Variants in COPZ2 observed in about 807,000 individuals in gnomAD.
COPZ2 encodes the protein coat protein complex I subunit zeta 2.
A neutral mutation model predicts 33.2 loss-of-function variants in COPZ2; 30 were observed. The ratio of observed to expected loss-of-function variants is 0.90; its 90% confidence interval spans 0.68 to 1.23. The LOEUF is 1.23. COPZ2 is among the 50% of genes most tolerant of loss of function. COPZ2 has a pLI of 0.00. For synonymous variants in COPZ2, 89 were observed against 102.6 expected, an observed-to-expected ratio of 0.87 and a Z score of 0.80; for missense variants, 263 against 262.4, an observed-to-expected ratio of 1.00 and a Z score of -0.02.
intron 2 of COPZ2, 115 bp downstream of exon 2, chr17:48,036,735 TG>T: frequency 1.1e-6 from 1 of 883,758 alleles, no homozygotes; most frequent in Non-Finnish European, 1.8e-6. Context: ...GAAGGACCTC[TG>T]GAGGGGTCTA....
At chr17:48,030,697 C>T (rs759918714) in intron 6 of COPZ2, among the ~76,000 whole-genome samples, 4 of 152,242 alleles carry the variant, frequency 2.6e-5, no homozygotes, top group Non-Finnish European at 4.4e-5. Context: ...CGTTGCCTCC[C>T]GACTGGCGCT....
At chr17:48,043,170 G>A in the COPZ2 span, among the ~76,000 whole-genome samples, 2 of 152,216 alleles carry the variant, frequency 1.3e-5, no homozygotes, top group African/African-American at 4.8e-5. Flanking sequence ...CTTCGGGTAG[G>A]CACAGTAGGA....
At chr17:48,043,909 ATTGT>A in the COPZ2 span, among the ~76,000 whole-genome samples, 1 of 152,188 alleles carries the variant, frequency 6.6e-6, no homozygotes, top group African/African-American at 2.4e-5. Flanking sequence ...ACTACCTGGT[ATTGT>A]TTGAGACAAC....
intron 6 of COPZ2, among the ~76,000 whole-genome samples, chr17:48,031,306 G>T (rs2036890964): frequency 6.6e-6 from 1 of 151,914 alleles, no homozygotes; most frequent in Non-Finnish European, 1.5e-5. Context: ...CAAAAAATTA[G>T]CTTGGTGTGG....
At position 48,028,989 on chromosome 17, in the gene COPZ2, C is replaced by A; in HGVS notation, c.546+136G>T. The A allele has an allele frequency of 2.7e-6, 2 of 750,558 alleles. No individual in the cohort carries two copies. Among genetic ancestry groups the A allele is most frequent in the South Asian group, 3.6e-5 (2 of 55,704 alleles). 46.5% of individuals were successfully genotyped at this position (750,558 alleles called of 1,614,324 possible). ...CCAGAAACTGCTGCTCATCTCACCCCTAACAAGTGTGTCAGCCCAGTGGTT... is the reference window on the plus strand; with the variant it reads ...CCAGAAACTGCTGCTCATCTCACCCATAACAAGTGTGTCAGCCCAGTGGTT... On this transcript the variant is annotated intron_variant, in intron 7 of 8. Coordinates refer to ENST00000621465, the MANE Select transcript of COPZ2 (RefSeq NM_016429.4). The surrounding 1 kb of genome is among the most constrained non-coding windows in gnomAD (Gnocchi z 4.5).
Position 48,032,671 on chromosome 17 carries a change from G to A in COPZ2, c.416+15C>T, listed in dbSNP as rs1443455584. Reference sequence around the variant, plus strand: ...CAGGGGGATGGGGCCTCGGAGGGCAGAGAACCTCACTCACCTTAACATGTG... The same window carrying A: ...CAGGGGGATGGGGCCTCGGAGGGCAAAGAACCTCACTCACCTTAACATGTG... On this transcript the variant is annotated intron_variant, in intron 5 of 8. Transcript: ENST00000621465. The A allele has an allele frequency of 3.2e-6, 5 of 1,579,556 alleles. No homozygotes were observed. The Admixed American group carries it at 9.1e-5, about 29-fold the overall frequency.
chr17:48,041,991 G>A (rs1207745246), upstream of COPZ2, among the ~76,000 whole-genome samples: 1 of 152,054 alleles, frequency 6.6e-6, no homozygotes, highest in Non-Finnish European at 1.5e-5. Flanking sequence ...GGTGGGGAAG[G>A]AGTCAGTTAT....
chr17:48,044,463 C>T, the COPZ2 span, among the ~76,000 whole-genome samples: 2 of 116,076 alleles, frequency 1.7e-5, no homozygotes, highest in South Asian at 6.1e-4. Context: ...CCTAGTGATT[C>T]TCTACTCTGG....
upstream of COPZ2, among the ~76,000 whole-genome samples, chr17:48,041,147 CAAAAAA>C (rs10532613): frequency 1.9e-5 from 2 of 103,004 alleles, no homozygotes; most frequent in Non-Finnish European, 2.0e-5. Context: ...ACTCTATCTC[CAAAAAA>C]AAAAAAAAAA....
upstream of COPZ2, among the ~76,000 whole-genome samples, chr17:48,042,682 CA>C (rs2037073721): frequency 6.7e-6 from 1 of 149,028 alleles, no homozygotes; most frequent in Non-Finnish European, 1.5e-5. Flanking sequence ...GGTTGTTCTC[CA>C]ACTCCTGACC....
At chr17:48,046,638 C>A in the COPZ2 span, 4 of 152,228 alleles carry the variant, frequency 2.6e-5, no homozygotes, top group African/African-American at 9.7e-5. Flanking sequence ...CCTAAATATT[C>A]CTCCTTTCTT....
At chr17:48,030,289 A>AAC (rs71935471) in intron 6 of COPZ2, among the ~76,000 whole-genome samples, 5,307 of 128,364 alleles carry the variant, frequency 0.041, 175 homozygotes, top group Admixed American at 0.11. Flanking sequence ...TCCATCTCAA[A>AAC]ACACACACAC....
chr17:48,029,066 A>G, intron 7 of COPZ2, 59 bp downstream of exon 7: 1 of 1,480,974 alleles, frequency 6.8e-7, no homozygotes, highest in Non-Finnish European at 9.2e-7. Context: ...TAGCAGCCCT[A>G]TTCCCAGGGA....
the COPZ2 span, chr17:48,045,109 C>T: frequency 3.9e-5 from 6 of 152,170 alleles, no homozygotes; most frequent in African/African-American, 1.4e-4. Context: ...AGGCATGAAC[C>T]ACCACGCCTG....
chr17:48,037,012 C>T lies in COPZ2; in HGVS notation c.112-87G>A, dbSNP rs1408399787. The T allele has an allele frequency of 7.5e-6, 9 of 1,200,374 alleles. No homozygotes were observed. Among genetic ancestry groups the T allele is most frequent in the Non-Finnish European group, 1.1e-5 (9 of 809,830 alleles). The allele number at this position is 1,200,374 out of a possible 1,614,324, so 74.4% of individuals were successfully genotyped here. On this transcript the variant is annotated intron_variant, in intron 1 of 8. Transcript: ENST00000621465. This position sits in a 1 kb window ranked among gnomAD's most constrained non-coding sequence, Gnocchi z 5.6. ...GGGATCTGCTGGCCCTAGGATACAT[C>T]CTCAGGCCCCAGCAACCCCAGTCCT...
intron 2 of COPZ2, among the ~76,000 whole-genome samples, chr17:48,035,589 GTTTT>G (rs937500008): frequency 2.2e-4 from 33 of 151,844 alleles, no homozygotes; most frequent in African/African-American, 8.0e-4. Context: ...TTTTGTTTTT[GTTTT>G]GTTTTGTTTT....
chr17:48,032,130 A>T (rs925305445), intron 6 of COPZ2, 26 bp downstream of exon 6: 1 of 1,595,876 alleles, frequency 6.3e-7, no homozygotes, highest in Non-Finnish European at 8.6e-7. Flanking sequence ...TCCTGCTGTG[A>T]GTGTCCCTGA....
intron 6 of COPZ2, among the ~76,000 whole-genome samples, chr17:48,030,200 T>C (rs2036873123): frequency 6.7e-6 from 1 of 149,922 alleles, no homozygotes; most frequent in African/African-American, 2.5e-5. Context: ...GGCAGGAGAA[T>C]TGCTTGAACC....
At position 48,026,368 on chromosome 17, in the gene COPZ2, G is replaced by C. The variant is rs2036816568; in HGVS notation, c.*60C>G. 2 of 1,387,542 alleles carry C rather than the reference G, an allele frequency of 1.4e-6. No individual in the cohort carries two copies. Among genetic ancestry groups the C allele is most frequent in the Admixed American group, 3.4e-5 (2 of 58,728 alleles). The allele number at this position is 1,387,542 out of a possible 1,614,324, so 86.0% of individuals were successfully genotyped here. On this transcript the variant is annotated 3_prime_UTR_variant, in exon 9 of 9. Transcript: ENST00000621465. The stretch of plus-strand genomic sequence containing the variant: ...GGTCTCTCCTGACCCTGGGATCTTT[G>C]GGCTTTTGCCAGGATTGGGGAAATG...
Sources: allele counts gnomAD v4.1 joint callset (sites outside exome capture counted in the v4.1 genomes callset), GRCh38; gene constraint gnomAD v4.1.1; non-coding constraint Gnocchi (gnomAD v3.1); transcripts MANE v1.5; gene names NCBI Gene and HGNC (gene_info 2026-07-23, HGNC 2026-07-21).